Variants in NCKAP5 observed in about 807,000 individuals in gnomAD.
NCKAP5 encodes the protein NCK associated protein 5.
NCKAP5 carries 92 observed loss-of-function variants against 167.0 expected under a neutral mutation model. The ratio of observed to expected loss-of-function variants is 0.55; its 90% CI spans 0.47 to 0.66. The LOEUF (loss-of-function observed/expected upper bound fraction) is 0.66, where lower values mean the gene tolerates loss of function less well. Ranked by LOEUF, NCKAP5 falls within the 30% of genes least tolerant of loss-of-function variation. The pLI, the probability that NCKAP5 is intolerant of heterozygous loss-of-function variation, is 0.00. For missense variants in NCKAP5, 2,378 were observed against 2,315.0 expected, an observed-to-expected ratio of 1.03 and a Z score of -0.56; for synonymous variants, 891 against 877.4, an observed-to-expected ratio of 1.02 and a Z score of -0.27.
chr2:133,483,133 A>T (rs75892346), intron 3 of NCKAP5, among the ~76,000 whole-genome samples: 4,745 of 152,060 alleles, frequency 0.031, 100 homozygotes, highest in Admixed American at 0.071. Context: ...TTTTTCTATC[A>T]TTTATCATTC....
intron 19 of NCKAP5, among the ~76,000 whole-genome samples, chr2:132,682,564 A>G (rs1216771441): frequency 6.6e-6 from 1 of 152,208 alleles, no homozygotes; most frequent in Non-Finnish European, 1.5e-5. Context: ...TAGATATACC[A>G]GAAAGTGAGT....
chr2:132,932,694 A>T (rs1696483532), intron 8 of NCKAP5, among the ~76,000 whole-genome samples: 1 of 152,182 alleles, frequency 6.6e-6, no homozygotes, highest in African/African-American at 2.4e-5. Context: ...AAAAGGGGAA[A>T]CATACTATGA....
In NCKAP5 at chr2:133,538,549, CA is replaced by C. The variant is rs200980708; in HGVS notation, c.-62+20500del. On this transcript the variant is annotated intron_variant, in intron 2 of 19. Coordinates refer to ENST00000409261, the MANE Select transcript of NCKAP5 (RefSeq NM_207363.3). ...ATGAACAAATAAACATTTCTGTGAACAAAAAAAAAACTGAGCTCAGAGAAGG... is the reference window on the plus strand; with the variant it reads ...ATGAACAAATAAACATTTCTGTGAACAAAAAAAAACTGAGCTCAGAGAAGG... Among the ~76,000 whole-genome samples, 6 of 146,262 alleles carry C rather than the reference CA, an allele frequency of 4.1e-5. No individual in the cohort carries two copies. In the South Asian group the frequency reaches 6.5e-4, roughly 16 times the overall value.
chr2:133,428,926 G>C (rs1689982449), intron 3 of NCKAP5, among the ~76,000 whole-genome samples: 1 of 152,124 alleles, frequency 6.6e-6, no homozygotes, highest in Non-Finnish European at 1.5e-5. Context: ...GTTGGAGAAA[G>C]AATGAAGTTC....
intron 5 of NCKAP5, among the ~76,000 whole-genome samples, chr2:133,189,171 C>A (rs542510800): frequency 4.6e-5 from 7 of 151,992 alleles, no homozygotes; most frequent in Admixed American, 1.3e-4. Context: ...CACAAATAAA[C>A]CAGAAAATCT....
chr2:132,887,851 T>C (rs947576775), intron 8 of NCKAP5, among the ~76,000 whole-genome samples: 28 of 152,204 alleles, frequency 1.8e-4, no homozygotes, highest in Admixed American at 1.3e-4. Flanking sequence ...GGTATTGCTA[T>C]GTTGTCCAGG....
intron 7 of NCKAP5, among the ~76,000 whole-genome samples, chr2:132,967,132 T>C (rs1287720662): frequency 1.3e-5 from 2 of 150,864 alleles, no homozygotes; most frequent in East Asian, 3.9e-4. Flanking sequence ...ATGCAGAATC[T>C]GCAAATAATG....
intron 5 of NCKAP5, among the ~76,000 whole-genome samples, chr2:133,188,074 G>A (rs984423459): frequency 5.3e-5 from 8 of 152,026 alleles, no homozygotes; most frequent in African/African-American, 1.9e-4. Context: ...GGCATCGATG[G>A]TCTTTACAAT....
intron 13 of NCKAP5, among the ~76,000 whole-genome samples, chr2:132,786,334 T>C (rs922938299): frequency 2.0e-5 from 3 of 152,186 alleles, no homozygotes; most frequent in Non-Finnish European, 4.4e-5. Context: ...AAAAGTAAGT[T>C]GGTTGATATC....
chr2:133,577,192 T>A, the NCKAP5 span, among the ~76,000 whole-genome samples: 1 of 152,142 alleles, frequency 6.6e-6, no homozygotes, highest in Non-Finnish European at 1.5e-5. Context: ...TCCTGCTAAC[T>A]TTGGCCCCAG....
intron 2 of NCKAP5, among the ~76,000 whole-genome samples, chr2:133,536,233 T>G (rs1254716194): frequency 6.6e-6 from 1 of 152,158 alleles, no homozygotes; most frequent in East Asian, 1.9e-4. Flanking sequence ...CAGAAGAGTA[T>G]TTCCAAGGTT....
At position 133,374,042 on chromosome 2, in the gene NCKAP5, T is replaced by C. The variant is rs146734131; in HGVS notation, c.70-70932A>G. 5.2e-3 allele frequency among the ~76,000 whole-genome samples: 789 copies of C among 152,358 alleles called. 10 individuals are homozygous for C. The highest frequency in any genetic ancestry group is 0.018 in the African/African-American group (736 of 41,584). On this transcript the variant is annotated intron_variant, in intron 3 of 19. Coordinates refer to ENST00000409261, the MANE Select transcript of NCKAP5 (RefSeq NM_207363.3). Reference sequence around the variant, plus strand: ...CAAAGGAATTGAAAACTTATGTCCATACCAAAACCTCCACACAGATGTTTA... The same window carrying C: ...CAAAGGAATTGAAAACTTATGTCCACACCAAAACCTCCACACAGATGTTTA...
At chr2:132,927,977 A>G (rs1189832021) in intron 8 of NCKAP5, among the ~76,000 whole-genome samples, 3 of 152,174 alleles carry the variant, frequency 2.0e-5, no homozygotes, top group Non-Finnish European at 2.9e-5. Context: ...TTTCACATGT[A>G]TAAAATATAT....
At chr2:133,526,625 C>T (rs751668383) in intron 2 of NCKAP5, among the ~76,000 whole-genome samples, 1 of 152,090 alleles carries the variant, frequency 6.6e-6, no homozygotes, top group Non-Finnish European at 1.5e-5. Context: ...CCAGGGTAAG[C>T]GTTTTAGCTC....
chr2:133,501,686 G>C (rs1682531953), intron 3 of NCKAP5, among the ~76,000 whole-genome samples: 1 of 152,206 alleles, frequency 6.6e-6, no homozygotes. Context: ...AATGCAGACA[G>C]AAATCCTGAT....
intron 8 of NCKAP5, among the ~76,000 whole-genome samples, chr2:132,918,265 G>A (rs553366613): frequency 3.3e-5 from 5 of 152,024 alleles, no homozygotes; most frequent in African/African-American, 1.2e-4. Context: ...GGAAAGGCTG[G>A]TTTTTTTCTG....
chr2:133,282,667 G>A (rs764608105), intron 4 of NCKAP5, among the ~76,000 whole-genome samples: 2 of 152,052 alleles, frequency 1.3e-5, no homozygotes, highest in East Asian at 1.9e-4. Flanking sequence ...TGGGTAATAC[G>A]GTATATGAAT....
the NCKAP5 span, among the ~76,000 whole-genome samples, chr2:133,615,097 G>A: frequency 6.6e-6 from 1 of 151,320 alleles, no homozygotes; most frequent in East Asian, 1.9e-4. Flanking sequence ...ACAAGCAAAT[G>A]CTGAGAGATT....
intron 3 of NCKAP5, among the ~76,000 whole-genome samples, chr2:133,305,908 C>T (rs576228949): frequency 6.6e-6 from 1 of 152,216 alleles, no homozygotes; most frequent in South Asian, 2.1e-4. Flanking sequence ...ATAACGCTAA[C>T]AAAAATGGAT....
Sources: allele counts gnomAD v4.1 joint callset (sites outside exome capture counted in the v4.1 genomes callset), GRCh38; gene constraint gnomAD v4.1.1; transcripts MANE v1.5; gene names NCBI Gene and HGNC (gene_info 2026-07-23, HGNC 2026-07-21).